Variants in SDK1 observed in about 807,000 individuals in gnomAD.
SDK1 encodes the protein sidekick cell adhesion molecule 1, also known as protein sidekick-1.
SDK1 carries 157 observed loss-of-function variants against 245.5 expected under a neutral mutation model. The ratio of observed to expected loss-of-function variants is 0.64; its 90% CI spans 0.56 to 0.73. SDK1 has a LOEUF of 0.73. Among genes scored for constraint, SDK1 ranks in the 30% least tolerant of loss-of-function variants. The probability of loss-of-function intolerance (pLI) is 0.00; values close to 1 mark genes in which losing one functional copy is unlikely to be tolerated. For missense variants in SDK1, 3,583 were observed against 3,002.3 expected, an observed-to-expected ratio of 1.19 and a Z score of -4.52; for synonymous variants, 1,647 against 1,278.5, an observed-to-expected ratio of 1.29 and a Z score of -6.15.
At chr7:3,552,883 T>A (rs533894846) in intron 1 of SDK1, among the ~76,000 whole-genome samples, 1 of 152,364 alleles carries the variant, frequency 6.6e-6, no homozygotes, top group South Asian at 2.1e-4. Flanking sequence ...TGCATAATTA[T>A]GCTTTCCAGT....
At chr7:3,688,552 G>T (rs993846980) in intron 4 of SDK1, among the ~76,000 whole-genome samples, 5 of 152,206 alleles carry the variant, frequency 3.3e-5, no homozygotes, top group African/African-American at 1.2e-4. Context: ...TTAGAAGCAG[G>T]AGCAGTAGTG....
intron 4 of SDK1, among the ~76,000 whole-genome samples, chr7:3,719,957 C>A (rs1785317192): frequency 1.4e-5 from 2 of 147,330 alleles, no homozygotes; most frequent in African/African-American, 5.0e-5. Context: ...AGTCTGGTGA[C>A]AGAACAAGAC....
intron 32 of SDK1, among the ~76,000 whole-genome samples, chr7:4,162,296 A>G (rs755913723): frequency 1.3e-5 from 2 of 152,056 alleles, no homozygotes; most frequent in South Asian, 2.1e-4. Context: ...ACCAGACAAA[A>G]TATCTACCGG....
intron 5 of SDK1, among the ~76,000 whole-genome samples, chr7:3,924,211 G>C (rs1779691243): frequency 6.6e-6 from 1 of 152,046 alleles, no homozygotes; most frequent in Admixed American, 6.5e-5. Context: ...GTGGACTCCT[G>C]AGTATTTCTG....
intron 1 of SDK1, among the ~76,000 whole-genome samples, chr7:3,359,323 T>A (rs1780890687): frequency 6.6e-6 from 1 of 152,152 alleles, no homozygotes. Flanking sequence ...ATGGTAGATG[T>A]CCTCCATGCT....
chr7:3,339,327 T>A (rs1365228812), intron 1 of SDK1, among the ~76,000 whole-genome samples: 1 of 152,140 alleles, frequency 6.6e-6, no homozygotes, highest in Non-Finnish European at 1.5e-5. Flanking sequence ...AAATACTATA[T>A]ACATATAAAT....
intron 4 of SDK1, among the ~76,000 whole-genome samples, chr7:3,755,177 G>C (rs1429179359): frequency 6.6e-6 from 1 of 152,184 alleles, no homozygotes. Flanking sequence ...ACTCTGATTG[G>C]AGGCTGTTGG....
chr7:3,348,499 G>C (rs369430045), intron 1 of SDK1, among the ~76,000 whole-genome samples: 1 of 152,012 alleles, frequency 6.6e-6, no homozygotes, highest in Non-Finnish European at 1.5e-5. Context: ...ACTAAACATC[G>C]AGTGCATATG....
chr7:3,604,312 C>T (rs1781347509), intron 1 of SDK1, among the ~76,000 whole-genome samples: 1 of 152,126 alleles, frequency 6.6e-6, no homozygotes, highest in Non-Finnish European at 1.5e-5. Context: ...CCATCTGGTC[C>T]TTGTATTACT....
intron 40 of SDK1, among the ~76,000 whole-genome samples, chr7:4,226,342 A>AT (rs1231753092): frequency 3.3e-5 from 5 of 152,172 alleles, no homozygotes; most frequent in African/African-American, 1.2e-4. Context: ...TATCCAGCTG[A>AT]GTCTCTACCT....
At chr7:3,545,415 A>G (rs1367795471) in intron 1 of SDK1, among the ~76,000 whole-genome samples, 2 of 152,194 alleles carry the variant, frequency 1.3e-5, no homozygotes, top group Non-Finnish European at 2.9e-5. Flanking sequence ...ATGTGCAGTC[A>G]CTTCTAGCAT....
At chr7:3,500,515 C>T (rs1782163537) in intron 1 of SDK1, among the ~76,000 whole-genome samples, 1 of 152,230 alleles carries the variant, frequency 6.6e-6, no homozygotes, top group Admixed American at 6.5e-5. Flanking sequence ...AGTTAAGAGT[C>T]ATTCTGCTTT....
At chr7:3,986,091 A>G (rs1250748230) in intron 13 of SDK1, among the ~76,000 whole-genome samples, 4 of 152,134 alleles carry the variant, frequency 2.6e-5, no homozygotes, top group African/African-American at 9.7e-5. Flanking sequence ...GTGAAGGTTC[A>G]GTACAGGGCC....
intron 8 of SDK1, among the ~76,000 whole-genome samples, chr7:3,960,586 C>G (rs1583643110): frequency 6.6e-6 from 1 of 152,154 alleles, no homozygotes; most frequent in African/African-American, 2.4e-5. Flanking sequence ...CCACAGACCC[C>G]CTCCCGACCC....
intron 1 of SDK1, among the ~76,000 whole-genome samples, chr7:3,378,518 A>G (rs1398072656): frequency 6.6e-6 from 1 of 152,168 alleles, no homozygotes; most frequent in Non-Finnish European, 1.5e-5. Flanking sequence ...ACACATACAC[A>G]TGAGGAAACC....
chr7:3,874,642 C>T (rs1371480289), intron 5 of SDK1, among the ~76,000 whole-genome samples: 1 of 152,106 alleles, frequency 6.6e-6, no homozygotes, highest in Non-Finnish European at 1.5e-5. Flanking sequence ...CCCACCCCTG[C>T]CCTCATGCTA....
chr7:3,823,372 A>G (rs1228892129), intron 5 of SDK1, among the ~76,000 whole-genome samples: 1 of 152,198 alleles, frequency 6.6e-6, no homozygotes, highest in Non-Finnish European at 1.5e-5. Flanking sequence ...GAAATTCTGC[A>G]TCAGAAACAA....
rs180762595 is a variant in SDK1, at chr7:3,526,971, C to A, written c.299-92109C>A. ...AGACAGGAGGTTGTCAGTTAACTTG[C>A]TATAAATCTACCTTCAGCTTCAGTG... On this transcript the variant is annotated intron_variant, in intron 1 of 44. Coordinates refer to ENST00000404826, the MANE Select transcript of SDK1 (RefSeq NM_152744.4). Among the ~76,000 whole-genome samples the A allele has an allele frequency of 2.4e-3, 369 of 152,242 alleles. 3 individuals are homozygous for A. Among genetic ancestry groups the A allele is most frequent in the South Asian group, 0.018 (87 of 4,824 alleles).
intron 1 of SDK1, among the ~76,000 whole-genome samples, chr7:3,606,375 A>T (rs1330630875): frequency 6.6e-6 from 1 of 152,198 alleles, no homozygotes; most frequent in Non-Finnish European, 1.5e-5. Context: ...CTTGTAGCCC[A>T]GTTGCATCAG....
Sources: gnomAD v4.1 joint callset for allele counts (sites outside exome capture counted in the v4.1 genomes callset) on GRCh38, gnomAD v4.1.1 for gene constraint, MANE v1.5 for transcripts, NCBI Gene and HGNC (gene_info 2026-07-23, HGNC 2026-07-21) for gene names.